MESD: variants seen among roughly 807,000 people sequenced by gnomAD.
The protein encoded by MESD is mesoderm development LRP chaperone.
A neutral mutation model predicts 12.9 loss-of-function variants in MESD; 7 were observed. That is an observed-to-expected ratio of 0.54 (90% confidence interval 0.31 to 1.02). MESD has a LOEUF of 1.02. Among genes scored for constraint, MESD ranks in the 50% least tolerant of loss-of-function variants. The pLI is 0.05. For synonymous variants in MESD, 126 were observed against 115.6 expected, an observed-to-expected ratio of 1.09 and a Z score of -0.58; for missense variants, 342 against 296.7, an observed-to-expected ratio of 1.15 and a Z score of -1.12.
chr15:80,970,257 A>T (rs1264885893), intron 3 of MESD, among the ~76,000 whole-genome samples: 1 of 152,186 alleles, frequency 6.6e-6, no homozygotes, highest in African/African-American at 2.4e-5. Flanking sequence ...TAATTTTTAA[A>T]TTGACTTTCC....
Position 80,989,493 on chromosome 15 carries a change from A to C in MESD, c.213+86T>G, listed in dbSNP as rs962738589. On this transcript the variant is annotated intron_variant, in intron 1 of 2. Coordinates refer to ENST00000261758, the MANE Select transcript of MESD (RefSeq NM_015154.3). ...AGTAGAGGAGGTTAGGGGGTCAGAA[A>C]GGTCCCAAGACAGAACAGGTAAGGG... 2.1e-6 allele frequency: 3 copies of C among 1,441,680 alleles called. No individual in the cohort carries two copies. The Admixed American group carries it at 5.5e-5, about 27-fold the overall frequency. The allele number at this position is 1,441,680 out of a possible 1,614,324, so 89.3% of individuals were successfully genotyped here.
chr15:80,957,107 G>A (rs1902002925), intron 3 of MESD, among the ~76,000 whole-genome samples: 2 of 152,088 alleles, frequency 1.3e-5, no homozygotes, highest in African/African-American at 4.8e-5. Flanking sequence ...TTATAGATAT[G>A]AACCACCATG....
intron 2 of MESD, among the ~76,000 whole-genome samples, chr15:80,981,553 T>C (rs1435876472): frequency 6.6e-6 from 1 of 150,798 alleles, no homozygotes; most frequent in Non-Finnish European, 1.5e-5. Flanking sequence ...GTTAAGAGCC[T>C]CAGGAAAAGC....
chr15:80,967,771 A>G (rs1902202943), intron 3 of MESD, among the ~76,000 whole-genome samples: 1 of 152,146 alleles, frequency 6.6e-6, no homozygotes, highest in African/African-American at 2.4e-5. Flanking sequence ...TGGAAACTTC[A>G]CCTCAGAAAC....
Position 80,978,926 on chromosome 15 carries a change from C to G in MESD, c.*293G>C, listed in dbSNP as rs1411107987. On this transcript the variant is annotated 3_prime_UTR_variant, in exon 3 of 3. Coordinates refer to ENST00000261758, the MANE Select transcript of MESD (RefSeq NM_015154.3). ...AGTGGAATCTCAGTAGAGTTGATGA[C>G]TCACCAAGTGTAAATGGGAAAAAGC... is the stretch of plus-strand genomic sequence containing the variant. The G allele has an allele frequency of 2.3e-6, 1 of 437,714 alleles. No homozygotes were observed. Among genetic ancestry groups the G allele is most frequent in the African/African-American group, 2.0e-5 (1 of 50,524 alleles). The allele number at this position is 437,714 out of a possible 1,614,324, so 27.1% of individuals were successfully genotyped here.
At chr15:80,946,701 G>A (rs555914767), downstream of MESD, 7 of 484,692 alleles carry the variant, frequency 1.4e-5, no homozygotes, top group Middle Eastern at 6.0e-4. Flanking sequence ...ACATGTAAAC[G>A]CGGTGAGCCA....
At chr15:80,982,993 G>C (rs1466901579) in intron 1 of MESD, among the ~76,000 whole-genome samples, 2 of 152,164 alleles carry the variant, frequency 1.3e-5, no homozygotes, top group African/African-American at 4.8e-5. Flanking sequence ...TGTAGTCCCA[G>C]CTACTCAGTA....
chr15:80,984,013 G>A (rs918611065), intron 1 of MESD, among the ~76,000 whole-genome samples: 2 of 144,558 alleles, frequency 1.4e-5, no homozygotes, highest in Non-Finnish European at 1.5e-5. Context: ...CGATTCTCCT[G>A]CCTCAGCCTC....
chr15:80,960,636 T>G lies in MESD; in HGVS notation c.*289-8340A>C, dbSNP rs116096329. Among the ~76,000 whole-genome samples, 1,092 of 152,318 alleles carry G rather than the reference T, an allele frequency of 7.2e-3. 15 individuals are homozygous for G. The highest frequency in any genetic ancestry group is 0.025 in the African/African-American group (1,045 of 41,576). Reference sequence around the variant, plus strand: ...ATGTTGGGGATGAGGAACGCTTTCTTAAACAAAATATCAAAGGAAAAATCA... The same window carrying G: ...ATGTTGGGGATGAGGAACGCTTTCTGAAACAAAATATCAAAGGAAAAATCA... On this transcript the variant is annotated intron_variant, in intron 3 of 4. Coordinates refer to the MESD transcript ENST00000561312.
chr15:80,956,998 A>AT (rs1902001532), intron 3 of MESD, among the ~76,000 whole-genome samples: 1 of 150,624 alleles, frequency 6.6e-6, no homozygotes, highest in Non-Finnish European at 1.5e-5. Context: ...TTATTTATTT[A>AT]TTTTTTTGTA....
At chr15:80,946,613 TACATATCG>T (rs931656862), downstream of MESD, 17 of 292,162 alleles carry the variant, frequency 5.8e-5, no homozygotes, top group African/African-American at 3.2e-4. Context: ...AGGGAAGAGA[TACATATCG>T]AAGTCCTACT....
chr15:80,969,067 T>C (rs1035785324), intron 3 of MESD, among the ~76,000 whole-genome samples: 1 of 152,130 alleles, frequency 6.6e-6, no homozygotes, highest in East Asian at 1.9e-4. Context: ...GGTGCACACC[T>C]GTGGTCCCAG....
At chr15:80,989,105 T>C (rs1000629360) in intron 1 of MESD, among the ~76,000 whole-genome samples, 1 of 152,192 alleles carries the variant, frequency 6.6e-6, no homozygotes, top group Non-Finnish European at 1.5e-5. Flanking sequence ...TTATACTGAT[T>C]TAGAAGACAG....
At chr15:80,967,542 C>T (rs139918055) in intron 3 of MESD, among the ~76,000 whole-genome samples, 1 of 152,308 alleles carries the variant, frequency 6.6e-6, no homozygotes, top group African/African-American at 2.4e-5. Context: ...GTATGGCACT[C>T]AATGTCGTCC....
In MESD at chr15:80,978,831, A is replaced by G. The variant is rs1160543419; in HGVS notation, c.*388T>C. ...TACTCAATTAAGTCAAGAGTTTTAA[A>G]GTCTTCTCTGATCAGAATTTGCTAT... On this transcript the variant is annotated 3_prime_UTR_variant, in exon 3 of 3. Coordinates refer to ENST00000261758, the MANE Select transcript of MESD (RefSeq NM_015154.3). 7.4e-5 allele frequency: 14 copies of G among 189,690 alleles called. No homozygotes were observed. The East Asian group carries it at 1.9e-3, about 26-fold the overall frequency. 11.8% of individuals were successfully genotyped at this position (189,690 alleles called of 1,614,324 possible).
intron 4 of MESD, chr15:80,949,019 C>A (rs1901696861): frequency 6.5e-7 from 1 of 1,531,108 alleles, no homozygotes; most frequent in Non-Finnish European, 9.0e-7. Flanking sequence ...CAGCCCCTGC[C>A]AGCAGCTGCC....
At position 80,989,573 on chromosome 15, in the gene MESD, G is replaced by A; in HGVS notation, c.213+6C>T. 1 of 1,612,072 alleles carries A rather than the reference G, an allele frequency of 6.2e-7. No individual in the cohort carries two copies. The highest frequency in any genetic ancestry group is 8.5e-7 in the Non-Finnish European group (1 of 1,178,846). On this transcript the variant is annotated splice_donor_region_variant and intron_variant, in intron 1 of 2. Transcript: ENST00000261758. Reference sequence around the variant, plus strand: ...AGAGCCGGGAGGGTGTGCGCGCGCCGCGGACCTCCCATTGCTCCAGAAGAC... The same window carrying A: ...AGAGCCGGGAGGGTGTGCGCGCGCCACGGACCTCCCATTGCTCCAGAAGAC...
downstream of MESD, chr15:80,946,919 C>T: frequency 1.5e-6 from 2 of 1,342,496 alleles, no homozygotes; most frequent in Non-Finnish European, 2.1e-6. Flanking sequence ...CCCACTTTCT[C>T]CAGTTTGCTC....
intron 3 of MESD, among the ~76,000 whole-genome samples, chr15:80,965,772 G>A (rs879991315): frequency 2.6e-5 from 4 of 152,160 alleles, no homozygotes; most frequent in African/African-American, 7.2e-5. Flanking sequence ...ATGGACACAG[G>A]GAGGGGAGCA....
Sources: gnomAD v4.1 joint callset for allele counts (sites outside exome capture counted in the v4.1 genomes callset) on GRCh38, gnomAD v4.1.1 for gene constraint, MANE v1.5 for transcripts, NCBI Gene and HGNC (gene_info 2026-07-23, HGNC 2026-07-21) for gene names.